Variants in TPTE2 observed in about 807,000 individuals in gnomAD.
TPTE2 encodes the protein transmembrane phosphoinositide 3-phosphatase and tensin homolog 2, also known as phosphatidylinositol 3,4,5-trisphosphate 3-phosphatase TPTE2.
A neutral mutation model predicts 78.6 loss-of-function variants in TPTE2; 53 were observed. The observed-to-expected ratio is 0.67, with a 90% CI of 0.54 to 0.85. The LOEUF is 0.85. Among genes scored for constraint, TPTE2 ranks in the 40% least tolerant of loss-of-function variants. The probability of loss-of-function intolerance (pLI) is 0.00; values close to 1 mark genes in which losing one functional copy is unlikely to be tolerated. For missense variants in TPTE2, 461 were observed against 623.0 expected (o/e 0.74, Z 2.77); for synonymous variants, 175 against 206.2 (o/e 0.85, Z 1.30).
intron 6 of TPTE2, among the ~76,000 whole-genome samples, chr13:19,471,387 A>G (rs1879605079): frequency 2.0e-5 from 3 of 151,510 alleles, no homozygotes; most frequent in African/African-American, 7.3e-5. Flanking sequence ...AGTGAAGGTA[A>G]TTTTCTCTGG....
intron 1 of TPTE2, among the ~76,000 whole-genome samples, chr13:19,532,703 T>G (rs1593424716): frequency 6.6e-6 from 1 of 152,348 alleles, no homozygotes; most frequent in Middle Eastern, 3.4e-3. Context: ...CTCTTTCCTA[T>G]GAGCATGTTG....
intron 16 of TPTE2, among the ~76,000 whole-genome samples, chr13:19,431,340 G>A (rs886093299): frequency 6.6e-6 from 1 of 151,894 alleles, no homozygotes; most frequent in Non-Finnish European, 1.5e-5. Flanking sequence ...TTCCTGTGGT[G>A]TTCAGTATAT....
chr13:19,496,818 A>G (rs1358357831), intron 1 of TPTE2, among the ~76,000 whole-genome samples: 1 of 152,194 alleles, frequency 6.6e-6, no homozygotes, highest in Non-Finnish European at 1.5e-5. Flanking sequence ...GAACAGGAAC[A>G]GCTCCGGTCT....
At chr13:19,546,680 G>A in the TPTE2 span, among the ~76,000 whole-genome samples, 1 of 151,412 alleles carries the variant, frequency 6.6e-6, no homozygotes, top group Admixed American at 6.6e-5. Flanking sequence ...AGTAGAGATG[G>A]GGTTTCAACA....
chr13:19,480,003 C>T (rs1269112641), intron 4 of TPTE2, among the ~76,000 whole-genome samples: 1 of 151,174 alleles, frequency 6.6e-6, no homozygotes, highest in African/African-American at 2.4e-5. Flanking sequence ...AGATACTAAA[C>T]CTTAAAACAC....
upstream of TPTE2, among the ~76,000 whole-genome samples, chr13:19,505,348 T>C (rs1424153736): frequency 6.6e-6 from 1 of 151,962 alleles, no homozygotes; most frequent in Non-Finnish European, 1.5e-5. Flanking sequence ...GACATGTTGG[T>C]CAGGCTGGTC....
chr13:19,523,174 T>C (rs1870276606), intron 1 of TPTE2, among the ~76,000 whole-genome samples: 1 of 152,190 alleles, frequency 6.6e-6, no homozygotes, highest in Non-Finnish European at 1.5e-5. Context: ...TGTTCCTTTC[T>C]ATGGCTCCCA....
chr13:19,462,697 C>T (rs958833504), intron 10 of TPTE2, among the ~76,000 whole-genome samples: 7 of 151,878 alleles, frequency 4.6e-5, no homozygotes, highest in African/African-American at 1.7e-4. Flanking sequence ...TTCACGCCAC[C>T]ACACCTAGCT....
chr13:19,493,299 C>T (rs1253901385), intron 2 of TPTE2, 149 bp downstream of exon 5: 13 of 727,006 alleles, frequency 1.8e-5, no homozygotes, highest in South Asian at 1.0e-4. Context: ...AGTTTGTGTA[C>T]GCGTGTTGAA....
chr13:19,443,777 C>G (rs866724098), intron 13 of TPTE2, among the ~76,000 whole-genome samples: 12 of 110,242 alleles, frequency 1.1e-4, no homozygotes, highest in Non-Finnish European at 2.0e-4. Context: ...CACACACACA[C>G]ACAGTCGTTA....
intron 4 of TPTE2, among the ~76,000 whole-genome samples, chr13:19,480,745 G>C (rs1257857210): frequency 6.6e-6 from 1 of 152,026 alleles, no homozygotes; most frequent in African/African-American, 2.4e-5. Context: ...TGTTAAGTGT[G>C]GGGGGGAGAA....
chr13:19,482,989 T>C (rs1177844815), intron 3 of TPTE2, among the ~76,000 whole-genome samples: 8 of 152,226 alleles, frequency 5.3e-5, no homozygotes, highest in Non-Finnish European at 1.0e-4. Flanking sequence ...ATGTTTACCC[T>C]ACACTGTAGC....
intron 1 of TPTE2, among the ~76,000 whole-genome samples, chr13:19,520,101 T>C (rs1870061038): frequency 6.6e-6 from 1 of 152,218 alleles, no homozygotes; most frequent in African/African-American, 2.4e-5. Flanking sequence ...TTATATCTTT[T>C]GTGAACTCAA....
chr13:19,456,605 G>C (rs774511025), intron 10 of TPTE2, among the ~76,000 whole-genome samples: 1 of 152,112 alleles, frequency 6.6e-6, no homozygotes, highest in Non-Finnish European at 1.5e-5. Context: ...ACTAACAAAA[G>C]TTGTAAAACC....
At chr13:19,466,067 C>T (rs1432286046) in intron 7 of TPTE2, among the ~76,000 whole-genome samples, 1 of 152,158 alleles carries the variant, frequency 6.6e-6, no homozygotes, top group East Asian at 1.9e-4. Context: ...ATCAGGCAGG[C>T]AACAGATTGA....
At chr13:19,530,304 G>A (rs529398105) in intron 1 of TPTE2, among the ~76,000 whole-genome samples, 22 of 152,138 alleles carry the variant, frequency 1.4e-4, no homozygotes, top group Non-Finnish European at 3.2e-4. Context: ...GAGTCAGTCT[G>A]TCAAGCAGGA....
chr13:19,426,995 C>G (rs529227849), intron 17 of TPTE2, among the ~76,000 whole-genome samples: 1 of 151,224 alleles, frequency 6.6e-6, no homozygotes, highest in African/African-American at 2.4e-5. Context: ...TGAGCCACTG[C>G]ACCCGGCCTG....
At chr13:19,441,504 T>A (rs1379360652) in intron 13 of TPTE2, among the ~76,000 whole-genome samples, 1 of 152,222 alleles carries the variant, frequency 6.6e-6, no homozygotes, top group Non-Finnish European at 1.5e-5. Context: ...GAATCATCCT[T>A]TATCAGAAAT....
At chr13:19,453,505 C>G (rs555050968) in intron 10 of TPTE2, among the ~76,000 whole-genome samples, 1 of 139,972 alleles carries the variant, frequency 7.1e-6, no homozygotes, top group Non-Finnish European at 1.5e-5. Context: ...CTCTCAATGC[C>G]TAAAAAATGA....
Sources: allele counts gnomAD v4.1 joint callset (sites outside exome capture counted in the v4.1 genomes callset), GRCh38; gene constraint gnomAD v4.1.1; transcripts MANE v1.5; gene names NCBI Gene and HGNC (gene_info 2026-07-23, HGNC 2026-07-21).